The following PRKAR2B variants were observed in gnomAD, a reference collection of about 807,000 sequenced individuals.
The protein encoded by PRKAR2B is cAMP-dependent protein kinase type II-beta regulatory subunit.
Under a neutral mutation model 49.9 loss-of-function variants are expected in PRKAR2B, and 14 were observed. The ratio of observed to expected loss-of-function variants is 0.28; its 90% CI spans 0.19 to 0.44. PRKAR2B has a LOEUF of 0.44. Ranked by LOEUF, PRKAR2B falls within the 20% of genes least tolerant of loss-of-function variation. The probability of loss-of-function intolerance (pLI) is 1.00; values close to 1 mark genes in which losing one functional copy is unlikely to be tolerated. For missense variants in PRKAR2B, 393 were observed against 537.9 expected, an observed-to-expected ratio of 0.73 and a Z score of 2.67; for synonymous variants, 196 against 197.7, an observed-to-expected ratio of 0.99 and a Z score of 0.07.
chr7:107,144,395 A>G (rs1225581301), intron 5 of PRKAR2B, among the ~76,000 whole-genome samples: 2 of 151,686 alleles, frequency 1.3e-5, no homozygotes, highest in African/African-American at 4.8e-5. Context: ...CATGAAAGCC[A>G]ATTATTTTCT....
rs80029934 is a variant in PRKAR2B, at chr7:107,085,108, G to A, written c.343+14792G>A. ...ATAAAAGATCTACTTGTCTCTGTTT[G>A]TATAACTTGGAATGGATGAGACCTG... On this transcript the variant is annotated intron_variant, in intron 2 of 10. Coordinates refer to ENST00000265717, the MANE Select transcript of PRKAR2B (RefSeq NM_002736.3). Among the ~76,000 whole-genome samples, 560 of 152,114 alleles carry A rather than the reference G, an allele frequency of 3.7e-3. 4 individuals are homozygous for A. Among genetic ancestry groups the A allele is most frequent in the African/African-American group, 0.013 (533 of 41,492 alleles).
chr7:107,053,525 A>AGTGTGTGTGT (rs56855022), intron 1 of PRKAR2B, among the ~76,000 whole-genome samples: 24 of 141,996 alleles, frequency 1.7e-4, no homozygotes, highest in African/African-American at 3.9e-4. Context: ...GATTATAAAG[A>AGTGTGTGTGT]GTGTGTGTGT....
At chr7:107,102,516 C>T (rs1387428638) in intron 2 of PRKAR2B, among the ~76,000 whole-genome samples, 1 of 152,230 alleles carries the variant, frequency 6.6e-6, no homozygotes, top group Non-Finnish European at 1.5e-5. Flanking sequence ...GTTTCTTTCA[C>T]TGTCAGCTTG....
At chr7:107,133,512 A>G (rs901584445) in intron 4 of PRKAR2B, 3 of 152,196 alleles carry the variant, frequency 2.0e-5, no homozygotes, top group Non-Finnish European at 4.4e-5. Context: ...ATTGGTGACC[A>G]TATGTTGCCT....
intron 1 of PRKAR2B, among the ~76,000 whole-genome samples, chr7:107,067,885 G>A (rs898892338): frequency 2.6e-5 from 4 of 152,226 alleles, no homozygotes; most frequent in African/African-American, 7.2e-5. Flanking sequence ...TGAATCAAGT[G>A]TATATAAAGA....
chr7:107,139,907 G>A (rs1306367763), intron 4 of PRKAR2B, among the ~76,000 whole-genome samples: 1 of 152,120 alleles, frequency 6.6e-6, no homozygotes, highest in East Asian at 1.9e-4. Flanking sequence ...AATAGTAATT[G>A]ATTTTGGCAT....
chr7:107,106,045 A>G (rs1009509972), intron 2 of PRKAR2B, among the ~76,000 whole-genome samples: 3 of 152,166 alleles, frequency 2.0e-5, no homozygotes, highest in Non-Finnish European at 4.4e-5. Context: ...AGATTGAGTG[A>G]TAAAATGCAT....
chr7:107,148,297 A>T (rs1377259492), intron 6 of PRKAR2B, among the ~76,000 whole-genome samples: 1 of 152,206 alleles, frequency 6.6e-6, no homozygotes, highest in East Asian at 1.9e-4. Flanking sequence ...AGATTGTCAC[A>T]CAGTGAGGAA....
chr7:107,059,145 G>A (rs556503774), intron 1 of PRKAR2B, among the ~76,000 whole-genome samples: 9 of 152,218 alleles, frequency 5.9e-5, no homozygotes, highest in African/African-American at 1.9e-4. Flanking sequence ...AAAATTAGCC[G>A]GATGTAATGG....
intron 6 of PRKAR2B, among the ~76,000 whole-genome samples, chr7:107,148,650 G>T (rs935907210): frequency 6.6e-6 from 1 of 152,148 alleles, no homozygotes; most frequent in Non-Finnish European, 1.5e-5. Flanking sequence ...CCTTCTCAGG[G>T]AGAGTCGAGT....
chr7:107,063,671 G>T (rs191973948), intron 1 of PRKAR2B, among the ~76,000 whole-genome samples: 1 of 152,242 alleles, frequency 6.6e-6, no homozygotes, highest in East Asian at 1.9e-4. Flanking sequence ...GGAAGGCTTT[G>T]AATATGGGTA....
intron 1 of PRKAR2B, among the ~76,000 whole-genome samples, chr7:107,049,512 T>C (rs1413484814): frequency 6.6e-6 from 1 of 152,162 alleles, no homozygotes; most frequent in Non-Finnish European, 1.5e-5. Context: ...ACCTTTTGGT[T>C]TTTACAGTTC....
rs35682952 is a variant in PRKAR2B, at chr7:107,126,420, C to CAAAAAAAAAAAAAAAA, written c.397-1784_397-1769dup. Among the ~76,000 whole-genome samples, 126 of 38,392 alleles carry CAAAAAAAAAAAAAAAA rather than the reference C, an allele frequency of 3.3e-3. 9 individuals carry two copies. Among genetic ancestry groups the CAAAAAAAAAAAAAAAA allele is most frequent in the African/African-American group, 6.6e-3 (63 of 9,540 alleles). The allele number at this position is 38,392 out of a possible 152,430, so 25.2% of individuals were successfully genotyped here. ...TGGGCAACAGAGTGAGAATCTGTCT[C>CAAAAAAAAAAAAAAAA]AAAAAAAAAAAAAAAAAAAAAAAGT... On this transcript the variant is annotated intron_variant, in intron 3 of 10. Coordinates refer to ENST00000265717, the MANE Select transcript of PRKAR2B (RefSeq NM_002736.3).
At chr7:107,048,995 A>G (rs1793753209) in intron 1 of PRKAR2B, among the ~76,000 whole-genome samples, 1 of 152,210 alleles carries the variant, frequency 6.6e-6, no homozygotes, top group African/African-American at 2.4e-5. Flanking sequence ...GAAAGCAAAT[A>G]CAGTTTGACA....
At chr7:107,112,174 TAAAAAAAAAAAAAAAA>T (rs749209141) in intron 2 of PRKAR2B, among the ~76,000 whole-genome samples, 1 of 44,762 alleles carries the variant, frequency 2.2e-5, no homozygotes, top group African/African-American at 1.0e-4. Flanking sequence ...ACTGTGTCTC[TAAAAAAAAAAAAAAAA>T]AAAAAAAAAA....
At chr7:107,107,058 T>G (rs1795085429) in intron 2 of PRKAR2B, among the ~76,000 whole-genome samples, 2 of 152,194 alleles carry the variant, frequency 1.3e-5, no homozygotes, top group South Asian at 4.1e-4. Context: ...ATTTTTAGGT[T>G]GGGTGCGGTG....
intron 1 of PRKAR2B, chr7:107,067,347 G>C (rs1474753179): frequency 6.6e-6 from 1 of 152,148 alleles, no homozygotes; most frequent in Admixed American, 6.5e-5. Context: ...GAAATGGAGG[G>C]ATATGGGCAT....
At chr7:107,102,991 A>G (rs2116815607) in intron 2 of PRKAR2B, among the ~76,000 whole-genome samples, 1 of 152,324 alleles carries the variant, frequency 6.6e-6, no homozygotes, top group African/African-American at 2.4e-5. Context: ...GTTTTTCAAA[A>G]TATATTACTG....
At chr7:107,107,894 G>A (rs1267025390) in intron 2 of PRKAR2B, among the ~76,000 whole-genome samples, 3 of 152,120 alleles carry the variant, frequency 2.0e-5, no homozygotes, top group East Asian at 1.9e-4. Flanking sequence ...TTGACCTCGG[G>A]ATCTGCCTGC....
Sources: gnomAD v4.1 joint callset for allele counts (sites outside exome capture counted in the v4.1 genomes callset) on GRCh38, gnomAD v4.1.1 for gene constraint, MANE v1.5 for transcripts, NCBI Gene and HGNC (gene_info 2026-07-23, HGNC 2026-07-21) for gene names.